The following TEK variants were observed in gnomAD, a reference collection of about 807,000 sequenced individuals.
The protein encoded by TEK is TEK receptor tyrosine kinase.
Under a neutral mutation model 131.8 loss-of-function variants are expected in TEK, and 43 were observed. The observed-to-expected ratio is 0.33, with a 90% CI of 0.26 to 0.42. The LOEUF is 0.42. Ranked by LOEUF, TEK falls within the 10% of genes least tolerant of loss-of-function variation. The pLI is 1.00. For synonymous variants in TEK, 580 were observed against 491.6 expected (o/e 1.18, Z -2.38); for missense variants, 1,162 against 1,384.4 (o/e 0.84, Z 2.55).
At chr9:27,212,682 T>C (rs776515823) in intron 16 of TEK, 25 bp from the exon 17 acceptor site, 2 of 1,613,424 alleles carry the variant, frequency 1.2e-6, no homozygotes, top group South Asian at 1.1e-5. Flanking sequence ...CACTGATGAG[T>C]CGATGCTCTC....
rs759356559 is a variant in TEK, at chr9:27,228,166, A to T, written c.3201-40A>T. On this transcript the variant is annotated intron_variant, in intron 21 of 22. Coordinates refer to ENST00000380036, the MANE Select transcript of TEK (RefSeq NM_000459.5). ...TTCCTGCCGTGCCTAGGACTGAAGC[A>T]CAGTTATAGAATTAACCCTTTAATT... 8.5e-6 allele frequency: 13 copies of T among 1,538,014 alleles called. No individual in the cohort carries two copies. In the South Asian group the frequency reaches 1.2e-4, roughly 15 times the overall value.
At chr9:27,139,674 A>G (rs925589884) in intron 1 of TEK, among the ~76,000 whole-genome samples, 1 of 151,940 alleles carries the variant, frequency 6.6e-6, no homozygotes, top group African/African-American at 2.4e-5. Flanking sequence ...TTGTTCAACA[A>G]TATATTGTTA....
intron 1 of TEK, among the ~76,000 whole-genome samples, chr9:27,126,268 A>G (rs1821985280): frequency 6.6e-6 from 1 of 152,174 alleles, no homozygotes; most frequent in South Asian, 2.1e-4. Context: ...AAGGCATATC[A>G]CAGCTTTGTG....
At chr9:27,138,459 G>C (rs914477603) in intron 1 of TEK, among the ~76,000 whole-genome samples, 2 of 151,994 alleles carry the variant, frequency 1.3e-5, no homozygotes, top group African/African-American at 4.8e-5. Flanking sequence ...TAGACACAGA[G>C]CACTGATTGG....
chr9:27,211,765 G>C (rs1210363862), intron 16 of TEK, among the ~76,000 whole-genome samples: 1 of 151,800 alleles, frequency 6.6e-6, no homozygotes, highest in Non-Finnish European at 1.5e-5. Flanking sequence ...CCACTGCACT[G>C]GGCTTCAAGT....
chr9:27,175,234 G>A lies in TEK; in HGVS notation c.901+1872G>A, dbSNP rs542807995. Among the ~76,000 whole-genome samples the A allele has an allele frequency of 1.8e-3, 268 of 148,278 alleles. 1 individual carries two copies. Among genetic ancestry groups the A allele is most frequent in the African/African-American group, 6.4e-3 (257 of 40,214 alleles). On this transcript the variant is annotated intron_variant, in intron 6 of 22. Transcript: ENST00000380036. ...TTCCCATCTATGAGTGAGAACATAC[G>A]GTGTTTGGTTTTTTGTCCTTGTGAT...
Position 27,173,181 on chromosome 9 carries a change from G to C in TEK, c.761-41G>C, listed in dbSNP as rs757069148. 3 of 1,612,424 alleles carry C rather than the reference G, an allele frequency of 1.9e-6. No homozygotes were observed. In the South Asian group the frequency reaches 3.3e-5, roughly 18 times the overall value. On this transcript the variant is annotated intron_variant, in intron 5 of 22. Coordinates refer to ENST00000380036, the MANE Select transcript of TEK (RefSeq NM_000459.5). ...AAAGAATTATGTATTTCAAGGGGTTGCATATTTGACTCTGAATCATCTTTT... is the reference window on the plus strand; with the variant it reads ...AAAGAATTATGTATTTCAAGGGGTTCCATATTTGACTCTGAATCATCTTTT...
intron 6 of TEK, among the ~76,000 whole-genome samples, chr9:27,178,637 G>C (rs1176277754): frequency 6.6e-6 from 1 of 152,110 alleles, no homozygotes; most frequent in African/African-American, 2.4e-5. Context: ...CAAAAGACAA[G>C]CTTTTGCATT....
intron 12 of TEK, among the ~76,000 whole-genome samples, chr9:27,199,346 C>T (rs1036325537): frequency 6.6e-6 from 1 of 152,136 alleles, no homozygotes; most frequent in African/African-American, 2.4e-5. Flanking sequence ...CATTCTTATG[C>T]ATGTCTCCAT....
intron 18 of TEK, among the ~76,000 whole-genome samples, chr9:27,214,590 A>G (rs1217048452): frequency 6.6e-6 from 1 of 152,212 alleles, no homozygotes; most frequent in African/African-American, 2.4e-5. Flanking sequence ...ATAAAGTAAA[A>G]CAATACTCAA....
At position 27,202,881 on chromosome 9, in the gene TEK, T is replaced by C. The variant is rs762758366; in HGVS notation, c.1971T>C (p.Ile657=). 32 of 1,614,172 alleles carry C rather than the reference T, an allele frequency of 2.0e-5. No homozygotes were observed. The highest frequency in any genetic ancestry group is 2.3e-5 in the Non-Finnish European group (27 of 1,180,002). The change falls in exon 13 of 23, where the codon ATT becomes ATC. Residue 657 remains isoleucine (I), a synonymous_variant. Coordinates refer to ENST00000380036, the MANE Select transcript of TEK (RefSeq NM_000459.5). ...ACATTACACACTCCTCAGCTGTGAT[T>C]TCTTGGACAATATTGGATGGCTATT... The part of the protein sequence containing the change: ...ISNITHSSAV[I]SWTILDGYSI...
intron 6 of TEK, among the ~76,000 whole-genome samples, chr9:27,179,359 A>G (rs1008526962): frequency 5.9e-5 from 9 of 152,180 alleles, no homozygotes; most frequent in African/African-American, 4.8e-5. Flanking sequence ...TTATGAACAT[A>G]TCTTCTTTTA....
In TEK at chr9:27,209,198, A is replaced by G. The variant is rs1195979036; in HGVS notation, c.2653A>G (p.Ile885Val). 5 of 1,613,916 alleles carry G rather than the reference A, an allele frequency of 3.1e-6. No individual in the cohort carries two copies. The highest frequency in any genetic ancestry group is 1.7e-6 in the Non-Finnish European group (2 of 1,179,876). ...TTGTAAACTTGGACACCATCCAAACATCATCAATCTCTTAGGAGCATGTGA... is the reference window on the plus strand; with the variant it reads ...TTGTAAACTTGGACACCATCCAAACGTCATCAATCTCTTAGGAGCATGTGA... ...VLCKLGHHPN[I>V]INLLGACEHR... is the part of the protein sequence containing the mutation. The change falls in exon 16 of 23, where the codon ATC becomes GTC. Residue 885 changes from isoleucine to valine, a missense_variant. This residue lies in a region of TEK where 57 missense variants were observed against 100.8 expected (regional missense o/e 0.57). Transcript: ENST00000380036.
At chr9:27,153,978 A>T (rs933190645) in intron 1 of TEK, among the ~76,000 whole-genome samples, 1 of 152,192 alleles carries the variant, frequency 6.6e-6, no homozygotes, top group African/African-American at 2.4e-5. Context: ...TTGTGAGATA[A>T]CATCACATTT....
At chr9:27,207,157 C>A (rs1357916517) in intron 15 of TEK, among the ~76,000 whole-genome samples, 1 of 152,204 alleles carries the variant, frequency 6.6e-6, no homozygotes, top group Non-Finnish European at 1.5e-5. Context: ...TTGGGCCCTA[C>A]CCCACAATTT....
At chr9:27,130,122 T>C (rs1211203763) in intron 1 of TEK, among the ~76,000 whole-genome samples, 1 of 152,188 alleles carries the variant, frequency 6.6e-6, no homozygotes, top group Non-Finnish European at 1.5e-5. Context: ...AAAAGAAAAG[T>C]AATGTCTTGA....
chr9:27,153,116 G>A (rs1287546415), intron 1 of TEK, among the ~76,000 whole-genome samples: 2 of 152,118 alleles, frequency 1.3e-5, no homozygotes, highest in Non-Finnish European at 2.9e-5. Flanking sequence ...ATGCCAAGTA[G>A]TTCCTTATAA....
At position 27,158,826 on chromosome 9, in the gene TEK, A is replaced by AT. The variant is rs562372533; in HGVS notation, c.364+690dup. On this transcript the variant is annotated intron_variant, in intron 2 of 22. Coordinates refer to ENST00000380036, the MANE Select transcript of TEK (RefSeq NM_000459.5). The stretch of plus-strand genomic sequence containing the variant: ...AGGCAAGCACCACCACACCCAGCTA[A>AT]TTTTTTATATTTTTAGTAGAGACAG... Among the ~76,000 whole-genome samples, 267 of 152,028 alleles carry AT rather than the reference A, an allele frequency of 1.8e-3. 1 individual carries two copies. Among genetic ancestry groups the AT allele is most frequent in the African/African-American group, 5.5e-3 (230 of 41,482 alleles).
At position 27,152,280 on chromosome 9, in the gene TEK, A is replaced by G. The variant is rs114896857; in HGVS notation, c.53-5551A>G. The stretch of plus-strand genomic sequence containing the variant: ...CAATTCTGAGGTAGTAAGAAGCACA[A>G]GGGAATAAGCCTGCGATGCAATAAT... On this transcript the variant is annotated intron_variant, in intron 1 of 22. Transcript: ENST00000380036. 7.3e-3 allele frequency among the ~76,000 whole-genome samples: 1,107 copies of G among 152,306 alleles called. 10 individuals carry two copies. Among genetic ancestry groups the G allele is most frequent in the African/African-American group, 0.025 (1,058 of 41,562 alleles).
Sources: gnomAD v4.1 joint callset for allele counts (sites outside exome capture counted in the v4.1 genomes callset) on GRCh38, gnomAD v4.1.1 for gene constraint, gnomAD v4.1.1 regional missense constraint, MANE v1.5 for transcripts, NCBI Gene and HGNC (gene_info 2026-07-23, HGNC 2026-07-21) for gene names.